The following NKAIN3 variants were observed in gnomAD, a reference collection of about 807,000 sequenced individuals.
The protein encoded by NKAIN3 is sodium/potassium transporting ATPase interacting 3, also known as sodium/potassium-transporting ATPase subunit beta-1-interacting protein 3.
A neutral mutation model predicts 30.2 loss-of-function variants in NKAIN3; 25 were observed. The observed-to-expected ratio is 0.83, with a 90% CI of 0.60 to 1.16. NKAIN3 has a LOEUF of 1.16. Ranked by LOEUF, NKAIN3 falls within the 50% of genes most tolerant of loss-of-function variation. The probability of loss-of-function intolerance (pLI) is 0.00; values close to 1 mark genes in which losing one functional copy is unlikely to be tolerated. For synonymous variants in NKAIN3, 91 were observed against 89.6 expected, an observed-to-expected ratio of 1.02 and a Z score of -0.09; for missense variants, 225 against 254.1, an observed-to-expected ratio of 0.89 and a Z score of 0.78.
At chr8:62,501,607 C>T (rs757914019) in intron 1 of NKAIN3, among the ~76,000 whole-genome samples, 7 of 149,910 alleles carry the variant, frequency 4.7e-5, no homozygotes, top group East Asian at 3.9e-4. Flanking sequence ...CTAGGCATTA[C>T]GAGAAATGTG....
At chr8:62,936,142 C>T (rs1038050409) in intron 5 of NKAIN3, among the ~76,000 whole-genome samples, 3 of 152,144 alleles carry the variant, frequency 2.0e-5, no homozygotes, top group African/African-American at 7.2e-5. Flanking sequence ...GCTTCTTCCT[C>T]ATGGTAGTGG....
chr8:62,725,174 T>A (rs1230943520), intron 3 of NKAIN3, among the ~76,000 whole-genome samples: 2 of 152,216 alleles, frequency 1.3e-5, no homozygotes, highest in African/African-American at 4.8e-5. Flanking sequence ...CCTATTTGTG[T>A]CTTCTTTTGA....
chr8:62,446,101 C>T (rs1805478057), intron 1 of NKAIN3, among the ~76,000 whole-genome samples: 2 of 152,068 alleles, frequency 1.3e-5, no homozygotes, highest in Admixed American at 1.3e-4. Context: ...TGAAAATGCC[C>T]ATTTATTCAC....
chr8:62,491,647 G>A (rs541726214), intron 1 of NKAIN3, among the ~76,000 whole-genome samples: 3 of 152,186 alleles, frequency 2.0e-5, no homozygotes, highest in South Asian at 4.2e-4. Flanking sequence ...AAATAGATGC[G>A]GAAAAGAAGG....
chr8:62,313,483 A>G (rs1814513096), intron 1 of NKAIN3, among the ~76,000 whole-genome samples: 1 of 152,172 alleles, frequency 6.6e-6, no homozygotes, highest in Non-Finnish European at 1.5e-5. Flanking sequence ...TACAACTGGC[A>G]CATAAACTTC....
rs1174150638 is a variant in NKAIN3 at position 62,345,410 on chromosome 8, TATATATACAC to T, written c.54+96300_54+96309del. Among the ~76,000 whole-genome samples, 227 of 126,108 alleles carry T rather than the reference TATATATACAC, an allele frequency of 1.8e-3. 3 individuals carry two copies. The highest frequency in any genetic ancestry group is 7.1e-3 in the African/African-American group (203 of 28,786). The allele number at this position is 126,108 out of a possible 152,430, so 82.7% of individuals were successfully genotyped here. ...ATATACACACATATACACATATATG[TATATATACAC>T]ATATATACACATATATGTATATATA... is the stretch of plus-strand genomic sequence containing the variant. On this transcript the variant is annotated intron_variant, in intron 1 of 6. Coordinates refer to ENST00000623646, the MANE Select transcript of NKAIN3 (RefSeq NM_001304533.3).
Position 62,593,451 on chromosome 8 carries a change from T to C in NKAIN3, c.273+3657T>C, listed in dbSNP as rs59563788. Among the ~76,000 whole-genome samples the C allele has an allele frequency of 2.2e-3, 340 of 152,082 alleles. 1 individual carries two copies. Among genetic ancestry groups the C allele is most frequent in the African/African-American group, 7.8e-3 (325 of 41,542 alleles). On this transcript the variant is annotated intron_variant, in intron 3 of 6. Coordinates refer to ENST00000623646, the MANE Select transcript of NKAIN3 (RefSeq NM_001304533.3). ...AAAGAAAAGTTAAAAATCAGTGATA[T>C]ACACTTCCATCTTAAGAAGAGCAAT...
At chr8:62,613,993 T>A (rs901926244) in intron 3 of NKAIN3, among the ~76,000 whole-genome samples, 1 of 152,172 alleles carries the variant, frequency 6.6e-6, no homozygotes, top group Non-Finnish European at 1.5e-5. Context: ...AGGTCATACA[T>A]CTCTATTTCT....
intron 3 of NKAIN3, among the ~76,000 whole-genome samples, chr8:62,603,551 G>T (rs1811042806): frequency 1.3e-5 from 2 of 152,090 alleles, no homozygotes; most frequent in Admixed American, 1.3e-4. Context: ...AAAAAACACA[G>T]ATAATATTAA....
chr8:62,435,662 G>T (rs1325826820), intron 1 of NKAIN3, among the ~76,000 whole-genome samples: 1 of 152,078 alleles, frequency 6.6e-6, no homozygotes, highest in Non-Finnish European at 1.5e-5. Flanking sequence ...TTGTTAAAAT[G>T]CTTAGAAATT....
chr8:62,297,267 C>A (rs1008756013), intron 1 of NKAIN3, among the ~76,000 whole-genome samples: 2 of 152,098 alleles, frequency 1.3e-5, no homozygotes, highest in African/African-American at 4.8e-5. Flanking sequence ...CATGGGCAAG[C>A]ACTTCATGTC....
intron 3 of NKAIN3, among the ~76,000 whole-genome samples, chr8:62,617,271 G>A (rs1811486843): frequency 6.6e-6 from 1 of 152,082 alleles, no homozygotes; most frequent in African/African-American, 2.4e-5. Context: ...AAGGTCAAAA[G>A]GAGCTCCTTA....
chr8:62,319,784 G>C (rs1190812782), intron 1 of NKAIN3, among the ~76,000 whole-genome samples: 1 of 152,274 alleles, frequency 6.6e-6, no homozygotes, highest in Non-Finnish European at 1.5e-5. Context: ...AGTGCAGTGT[G>C]GTGCTGAGAA....
intron 1 of NKAIN3, among the ~76,000 whole-genome samples, chr8:62,494,163 T>C (rs998243184): frequency 5.3e-5 from 8 of 152,206 alleles, no homozygotes; most frequent in Non-Finnish European, 1.2e-4. Flanking sequence ...TGTGGGTTTG[T>C]CATAGATGGC....
intron 4 of NKAIN3, 60 bp from the exon 5 acceptor site, chr8:62,918,393 C>T (rs1210149119): frequency 1.7e-6 from 2 of 1,188,414 alleles, no homozygotes; most frequent in South Asian, 1.3e-5. Flanking sequence ...ATTATATTGG[C>T]TCTTTAAGTA....
downstream of NKAIN3, among the ~76,000 whole-genome samples, chr8:62,989,768 T>C (rs1362873323): frequency 6.6e-6 from 1 of 152,248 alleles, no homozygotes; most frequent in African/African-American, 2.4e-5. Context: ...ATGTTGGTTC[T>C]ACTTGGCAGA....
chr8:62,945,847 A>C (rs568254932), intron 5 of NKAIN3, among the ~76,000 whole-genome samples: 105 of 152,218 alleles, frequency 6.9e-4, no homozygotes, highest in Non-Finnish European at 1.3e-3. Context: ...TGTCAAAACA[A>C]GTTGCCCTCA....
chr8:62,481,020 A>G (rs553820597), intron 1 of NKAIN3, among the ~76,000 whole-genome samples: 1 of 152,294 alleles, frequency 6.6e-6, no homozygotes, highest in East Asian at 1.9e-4. Context: ...AAGATAGCCA[A>G]GTAGTTATTT....
At chr8:62,663,126 T>C (rs899158415) in intron 3 of NKAIN3, among the ~76,000 whole-genome samples, 2 of 152,210 alleles carry the variant, frequency 1.3e-5, no homozygotes, top group East Asian at 1.9e-4. Flanking sequence ...GCAAGTGCCC[T>C]GTGCTGCCCA....
Sources: allele counts gnomAD v4.1 joint callset (sites outside exome capture counted in the v4.1 genomes callset), GRCh38; gene constraint gnomAD v4.1.1; transcripts MANE v1.5; gene names NCBI Gene and HGNC (gene_info 2026-07-23, HGNC 2026-07-21).